Variants in NFATC3 observed in about 807,000 individuals in gnomAD.
NFATC3 encodes the protein nuclear factor of activated T-cells, cytoplasmic 3.
NFATC3 carries 46 observed loss-of-function variants against 98.6 expected under a neutral mutation model. That is an observed-to-expected ratio of 0.47 (90% CI 0.37 to 0.60). The LOEUF is 0.60. NFATC3 is among the 20% of genes least tolerant of loss of function. The pLI is 0.00. For missense variants in NFATC3, 1,256 were observed against 1,295.5 expected (o/e 0.97, Z 0.47); for synonymous variants, 512 against 472.2 (o/e 1.08, Z -1.09).
chr16:68,125,775 C>G (rs2036804192), intron 2 of NFATC3, among the ~76,000 whole-genome samples: 1 of 151,948 alleles, frequency 6.6e-6, no homozygotes, highest in African/African-American at 2.4e-5. Context: ...TTGTTAAGTT[C>G]ATACACATAG....
chr16:68,134,749 ATTC>A (rs2037298600), intron 3 of NFATC3, among the ~76,000 whole-genome samples: 1 of 152,076 alleles, frequency 6.6e-6, no homozygotes, highest in Admixed American at 6.6e-5. Context: ...GACTAAGGAT[ATTC>A]TTTTATTCTA....
At chr16:68,111,194 C>T (rs780710811) in intron 1 of NFATC3, among the ~76,000 whole-genome samples, 2 of 152,076 alleles carry the variant, frequency 1.3e-5, no homozygotes, top group Non-Finnish European at 1.5e-5. Context: ...TTTTTTGTCT[C>T]GATGATCTGT....
chr16:68,118,048 CTCTAGCCATCTTGGGCG>C (rs2036380210), intron 1 of NFATC3, among the ~76,000 whole-genome samples: 1 of 152,200 alleles, frequency 6.6e-6, no homozygotes, highest in Admixed American at 6.5e-5. Flanking sequence ...CAGTTGTTAA[CTCTAGCCATCTTGGGCG>C]TTTCTTAAAG....
intron 9 of NFATC3, among the ~76,000 whole-genome samples, chr16:68,215,446 C>T (rs574631760): frequency 6.6e-6 from 1 of 152,352 alleles, no homozygotes; most frequent in South Asian, 2.1e-4. Context: ...CAAACCAAGG[C>T]TAAAGCTTAC....
Position 68,191,735 on chromosome 16 carries a change from C to A in NFATC3, c.3066C>A (p.Asn1022Lys). 3 of 1,614,160 alleles carry A rather than the reference C, an allele frequency of 1.9e-6. 1 individual carries two copies. The South Asian group carries it at 3.3e-5, about 18-fold the overall frequency. The change falls in exon 9 of 10, where the codon AAC (asparagine) becomes AAA (lysine). Residue 1022 changes from asparagine to lysine, a missense_variant. Physicochemically the swap from Asn to Lys is moderately conservative, Grantham distance 94. This residue lies in a region of NFATC3 where 636 missense variants were observed against 617.3 expected (regional missense o/e 1.03). Coordinates refer to ENST00000346183, the MANE Select transcript of NFATC3 (RefSeq NM_173165.3). Reference sequence around the variant, plus strand: ...CTGAACCAGAAGATCGAGAGCCTAACTTTGCAACCATTGGTCTGCAGGACA... The same window carrying A: ...CTGAACCAGAAGATCGAGAGCCTAAATTTGCAACCATTGGTCTGCAGGACA... ...IKPEPEDREP[N>K]FATIGLQDIT...
chr16:68,098,389 A>C (rs930186873), intron 1 of NFATC3, among the ~76,000 whole-genome samples: 1 of 147,464 alleles, frequency 6.8e-6, no homozygotes, highest in South Asian at 2.1e-4. Context: ...CAACCTCCCA[A>C]CTCCCTCGTT....
chr16:68,099,277 T>C (rs920268173), intron 1 of NFATC3, among the ~76,000 whole-genome samples: 10 of 151,740 alleles, frequency 6.6e-5, no homozygotes, highest in Admixed American at 2.6e-4. Flanking sequence ...CTACTAAAAA[T>C]ACAAAAAATT....
chr16:68,112,725 C>G (rs1255607711), intron 1 of NFATC3, among the ~76,000 whole-genome samples: 3 of 132,768 alleles, frequency 2.3e-5, no homozygotes, highest in Non-Finnish European at 4.6e-5. Flanking sequence ...GTGGCGCAAT[C>G]TCGGCTCACT....
At chr16:68,167,250 A>C (rs2039238189) in intron 5 of NFATC3, among the ~76,000 whole-genome samples, 1 of 152,196 alleles carries the variant, frequency 6.6e-6, no homozygotes, top group Non-Finnish European at 1.5e-5. Context: ...AACTACAGAC[A>C]ACCTCTCTTG....
intron 1 of NFATC3, among the ~76,000 whole-genome samples, chr16:68,090,339 A>G (rs74024138): frequency 4.7e-4 from 46 of 98,794 alleles, no homozygotes; most frequent in Non-Finnish European, 5.7e-4. Flanking sequence ...ACACACACAC[A>G]CGCACACACA....
intron 3 of NFATC3, chr16:68,138,637 A>G (rs745686888): frequency 9.9e-5 from 128 of 1,288,948 alleles, no homozygotes; most frequent in Middle Eastern, 6.4e-4. Context: ...ATTACTATCA[A>G]TCATCACCAC....
intron 3 of NFATC3, among the ~76,000 whole-genome samples, chr16:68,134,275 C>G (rs544943768): frequency 2.2e-4 from 34 of 152,316 alleles, no homozygotes; most frequent in African/African-American, 7.5e-4. Flanking sequence ...GATCTTCCCA[C>G]CTTGGCCTCC....
intron 6 of NFATC3, among the ~76,000 whole-genome samples, chr16:68,177,599 T>C (rs1035326887): frequency 6.6e-6 from 1 of 152,102 alleles, no homozygotes; most frequent in Non-Finnish European, 1.5e-5. Context: ...ACTTTTTTTA[T>C]TATGTTTTTT....
At chr16:68,211,618 G>A (rs2041400793) in intron 9 of NFATC3, among the ~76,000 whole-genome samples, 2 of 151,558 alleles carry the variant, frequency 1.3e-5, no homozygotes, top group Middle Eastern at 3.4e-3. Context: ...CGCCTCCCAG[G>A]TTCAAGCAAT....
At position 68,144,599 on chromosome 16, in the gene NFATC3, C is replaced by T. The variant is rs564784719; in HGVS notation, c.1402-13270C>T. Among the ~76,000 whole-genome samples the T allele has an allele frequency of 1.7e-3, 257 of 152,216 alleles. 1 individual carries two copies. Among genetic ancestry groups the T allele is most frequent in the South Asian group, 0.017 (81 of 4,818 alleles). On this transcript the variant is annotated intron_variant, in intron 3 of 9. Coordinates refer to ENST00000346183, the MANE Select transcript of NFATC3 (RefSeq NM_173165.3). ...AGCTCAAGCGATCCATCCACCTTGC[C>T]CTCCTAAAGTGCTGAGATTACAGGC...
chr16:68,177,404 A>G (rs1421244394), intron 6 of NFATC3, among the ~76,000 whole-genome samples: 1 of 152,012 alleles, frequency 6.6e-6, no homozygotes, highest in South Asian at 2.1e-4. Context: ...TTTCAAATCT[A>G]TTGACATTAA....
intron 1 of NFATC3, among the ~76,000 whole-genome samples, chr16:68,110,337 C>A (rs547023937): frequency 7.1e-6 from 1 of 140,508 alleles, no homozygotes; most frequent in Non-Finnish European, 1.5e-5. Flanking sequence ...GAGACGAAGT[C>A]TCGCTCTGTT....
intron 9 of NFATC3, among the ~76,000 whole-genome samples, chr16:68,223,158 A>G (rs1169811021): frequency 6.6e-6 from 1 of 152,218 alleles, no homozygotes; most frequent in African/African-American, 2.4e-5. Flanking sequence ...GAAAGTCAGG[A>G]GTAAGTTTAG....
rs911048227 is a variant in NFATC3 at position 68,126,621 on chromosome 16, T to G, written c.1401+11T>G. 15 of 1,613,672 alleles carry G rather than the reference T, an allele frequency of 9.3e-6. No homozygotes were observed. Among genetic ancestry groups the G allele is most frequent in the Non-Finnish European group, 1.2e-5 (14 of 1,179,730 alleles). ...CATCCTGTTGTGAAGGTATGAGACT[T>G]TTGGGGCTTGTTTTGCAGATACCAT... On this transcript the variant is annotated intron_variant, in intron 3 of 9. Transcript: ENST00000346183.
Sources: allele counts gnomAD v4.1 joint callset (sites outside exome capture counted in the v4.1 genomes callset), GRCh38; gene constraint gnomAD v4.1.1; regional missense constraint gnomAD v4.1.1; transcripts MANE v1.5; gene names NCBI Gene and HGNC (gene_info 2026-07-23, HGNC 2026-07-21).